Variants in RPL8 observed in about 807,000 individuals in gnomAD.
RPL8 encodes the protein ribosomal protein L8.
For synonymous variants in RPL8, 182 were observed against 143.2 expected (o/e 1.27, Z -1.94); for missense variants, 248 against 365.9 (o/e 0.68, Z 2.63).
At chr8:144,790,135 C>G (rs974309041) in intron 4 of RPL8, among the ~76,000 whole-genome samples, 173 bp from the exon 5 acceptor site, 1 of 152,186 alleles carries the variant, frequency 6.6e-6, no homozygotes, top group African/African-American at 2.4e-5. Context: ...CTGCCCCTCC[C>G]AGCCTCCGTT....
At chr8:144,790,967 C>T in intron 3 of RPL8, 1 of 476,276 alleles carries the variant, frequency 2.1e-6, no homozygotes, top group South Asian at 2.0e-5. Context: ...CTCTCCCTGC[C>T]TTCTCTAAAA....
Position 144,792,034 on chromosome 8 carries a change from C to T in RPL8, c.96G>A (p.Val32=), listed in dbSNP as rs1340276376. 3 of 1,609,262 alleles carry T rather than the reference C, an allele frequency of 1.9e-6. No individual in the cohort carries two copies. Among genetic ancestry groups the T allele is most frequent in the African/African-American group, 1.3e-5 (1 of 74,802 alleles). Residue 32 remains valine (V), a synonymous_variant, in exon 1 of 5, where the codon GTG becomes GTA. Coordinates refer to ENST00000528957, the MANE Select transcript of RPL8 (RefSeq NM_001317782.2). The part of the protein sequence containing the change: ...HRKGAARLRA[V]DFAERHGYIK... Reference sequence around the variant, plus strand: ...TGTAGCCGTGCCGCTCAGCGAAATCCACGGCGCGCAGGCGCGCAGCGCCTT... The same window carrying T: ...TGTAGCCGTGCCGCTCAGCGAAATCTACGGCGCGCAGGCGCGCAGCGCCTT...
In RPL8 at chr8:144,790,005, A is replaced by AC. The variant is rs113303499; in HGVS notation, c.616-44dup. On this transcript the variant is annotated intron_variant, in intron 4 of 4. Coordinates refer to ENST00000528957, the MANE Select transcript of RPL8 (RefSeq NM_001317782.2). Reference sequence around the variant, plus strand: ...TGGCTTTAGAAACCTCTTCCCCACCACCCCCGCCCCCGGCCTCGGGGTCCC... The same window carrying AC: ...TGGCTTTAGAAACCTCTTCCCCACCACCCCCCGCCCCCGGCCTCGGGGTCCC... 22,323 of 1,554,414 alleles carry AC rather than the reference A, an allele frequency of 0.014. 2,666 individuals are homozygous for AC. In the African/African-American group the frequency reaches 0.26, roughly 18 times the overall value.
chr8:144,789,885 A>C lies in RPL8; in HGVS notation c.693T>G (p.Ala231=). 6.2e-7 allele frequency: 1 copy of C among 1,613,420 alleles called. No homozygotes were observed. Among genetic ancestry groups the C allele is most frequent in the Non-Finnish European group, 8.5e-7 (1 of 1,179,860 alleles). ...CAGCAATGAGACCCACTTTGCGGCCAGCAGGGGCATCTCTGCGGATGGTGG... is the reference window on the plus strand; with the variant it reads ...CAGCAATGAGACCCACTTTGCGGCCCGCAGGGGCATCTCTGCGGATGGTGG... ...KPSTIRRDAP[A]GRKVGLIAAR... Residue 231 remains alanine (A), a synonymous_variant, in exon 5 of 5, where the codon GCT becomes GCG. Transcript: ENST00000528957.
At chr8:144,791,056 A>C in intron 3 of RPL8, 1 of 582,808 alleles carries the variant, frequency 1.7e-6, no homozygotes, top group Non-Finnish European at 3.1e-6. Flanking sequence ...ACTTCGTCCC[A>C]ATCTCATTTA....
chr8:144,791,143 A>G (rs1826497111), intron 3 of RPL8, 134 bp downstream of exon 3: 2 of 829,766 alleles, frequency 2.4e-6, no homozygotes, highest in Non-Finnish European at 3.9e-6. Flanking sequence ...GGATGAGCTC[A>G]AACTTACAGA....
chr8:144,791,152 G>A, intron 3 of RPL8, 125 bp downstream of exon 3: 1 of 925,934 alleles, frequency 1.1e-6, no homozygotes. Flanking sequence ...CAAACTTACA[G>A]AACCCAAGTT....
chr8:144,789,912 G>A lies in RPL8; in HGVS notation c.666C>T (p.Pro222=), dbSNP rs374969401. ...GGGNHQHIGK[P]STIRRDAPAG... ...CAGGGGCATCTCTGCGGATGGTGGA[G>A]GGCTTGCCGATGTGCTGGTGGTTGC... Residue 222 remains proline, a synonymous_variant, in exon 5 of 5, where the codon CCC becomes CCT. Transcript: ENST00000528957. The A allele has an allele frequency of 1.1e-4, 174 of 1,613,270 alleles. No individual in the cohort carries two copies. Among genetic ancestry groups the A allele is most frequent in the Non-Finnish European group, 1.3e-4 (155 of 1,179,844 alleles).
intron 3 of RPL8, 122 bp downstream of exon 3, chr8:144,791,155 C>A: frequency 1.0e-6 from 1 of 962,132 alleles, no homozygotes. Flanking sequence ...ACTTACAGAA[C>A]CCAAGTTTTA....
rs1586752822 is a variant in RPL8, at chr8:144,792,277, C to T, written c.-148G>A. On this transcript the variant is annotated 5_prime_UTR_variant, in exon 1 of 5. Coordinates refer to ENST00000528957, the MANE Select transcript of RPL8 (RefSeq NM_001317782.2). The stretch of plus-strand genomic sequence containing the variant: ...GCGGGCGCCCGCACCGGCATCCTCT[C>T]AGGAGGGCCGGTCCGGGTCTCAGCG... 2.8e-5 allele frequency: 33 copies of T among 1,170,716 alleles called. No individual in the cohort carries two copies. The South Asian group carries it at 6.2e-4, about 22-fold the overall frequency. The allele number at this position is 1,170,716 out of a possible 1,614,324, so 72.5% of individuals were successfully genotyped here.
intron 4 of RPL8, among the ~76,000 whole-genome samples, 190 bp downstream of exon 4, chr8:144,790,162 TGAA>T (rs1826450076): frequency 6.6e-6 from 1 of 152,024 alleles, no homozygotes; most frequent in Non-Finnish European, 1.5e-5. Flanking sequence ...GGAGAAACGG[TGAA>T]GGAGGGTGAG....
In RPL8 at chr8:144,792,240, C is replaced by T; in HGVS notation, c.-111G>A. On this transcript the variant is annotated 5_prime_UTR_variant, in exon 1 of 5. Coordinates refer to ENST00000528957, the MANE Select transcript of RPL8 (RefSeq NM_001317782.2). ...CCCGAGGCCGCCGCGCCCACCACTCCCTACCCTCTCCGCGGGCGCCCGCAC... is the reference window on the plus strand; with the variant it reads ...CCCGAGGCCGCCGCGCCCACCACTCTCTACCCTCTCCGCGGGCGCCCGCAC... 1 of 1,347,120 alleles carries T rather than the reference C, an allele frequency of 7.4e-7. No homozygotes were observed. The highest frequency in any genetic ancestry group is 9.5e-7 in the Non-Finnish European group (1 of 1,050,214). The allele number at this position is 1,347,120 out of a possible 1,614,324, so 83.4% of individuals were successfully genotyped here. A position where few individuals can be genotyped will look rare whatever the true frequency, so the allele number is the denominator to read the frequency against.
chr8:144,791,629 C>T, intron 2 of RPL8, 134 bp from the exon 3 acceptor site: 2 of 1,476,922 alleles, frequency 1.4e-6, no homozygotes, highest in Non-Finnish European at 1.8e-6. Context: ...CGGCACCCAC[C>T]GGTGGCCACT....
At chr8:144,791,695 C>T (rs557142183) in intron 2 of RPL8, 78 bp downstream of exon 2, 2 of 1,593,422 alleles carry the variant, frequency 1.3e-6, no homozygotes, top group Non-Finnish European at 1.7e-6. Flanking sequence ...GTTCCCATAT[C>T]GGCTTAGGAC....
In RPL8 at chr8:144,791,440, G is replaced by A; in HGVS notation, c.336C>T (p.Ile112=). Reference sequence around the variant, plus strand: ...CAGGCTTCTCCTCCAGGCAGCACACGATTGTACCCTCAGGCATGGTGCCCA... The same window carrying A: ...CAGGCTTCTCCTCCAGGCAGCACACAATTGTACCCTCAGGCATGGTGCCCA... The part of the protein sequence containing the change: ...LPVGTMPEGT[I]VCCLEEKPGD... Residue 112 remains isoleucine, a synonymous_variant, in exon 3 of 5, where the codon ATC becomes ATT. Coordinates refer to ENST00000528957, the MANE Select transcript of RPL8 (RefSeq NM_001317782.2). 1.2e-6 allele frequency: 2 copies of A among 1,613,948 alleles called. No homozygotes were observed. The highest frequency in any genetic ancestry group is 1.7e-6 in the Non-Finnish European group (2 of 1,180,030).
At position 144,789,784 on chromosome 8, in the gene RPL8, C is replaced by T; in HGVS notation, c.*20G>A. The stretch of plus-strand genomic sequence containing the variant: ...CACAGCCAGGTGGCATAAACACAAA[C>T]TTTATTGAGGCCCTCAGCACTAGTT... On this transcript the variant is annotated 3_prime_UTR_variant, in exon 5 of 5. Transcript: ENST00000528957. 6.2e-7 allele frequency: 1 copy of T among 1,613,484 alleles called. No individual in the cohort carries two copies. The highest frequency in any genetic ancestry group is 8.5e-7 in the Non-Finnish European group (1 of 1,179,834).
At chr8:144,791,148 T>C (rs1826497357) in intron 3 of RPL8, 129 bp downstream of exon 3, 5 of 888,828 alleles carry the variant, frequency 5.6e-6, no homozygotes, top group East Asian at 5.2e-5. Context: ...AGCTCAAACT[T>C]ACAGAACCCA....
In RPL8 at chr8:144,791,515, C is replaced by G. The variant is rs1470380261; in HGVS notation, c.281-20G>C. Reference sequence around the variant, plus strand: ...GCTGGGCTGCAAGGGGAAGCAGCATCAGGCCGTCAGCACAGTAAGAAACAA... The same window carrying G: ...GCTGGGCTGCAAGGGGAAGCAGCATGAGGCCGTCAGCACAGTAAGAAACAA... On this transcript the variant is annotated intron_variant, in intron 2 of 4. Coordinates refer to ENST00000528957, the MANE Select transcript of RPL8 (RefSeq NM_001317782.2). 2 of 1,610,656 alleles carry G rather than the reference C, an allele frequency of 1.2e-6. No individual in the cohort carries two copies. Among genetic ancestry groups the G allele is most frequent in the African/African-American group, 1.3e-5 (1 of 74,872 alleles).
rs777113990 is a variant in RPL8 at position 144,792,047 on chromosome 8, C to G, written c.83G>C (p.Arg28Pro). 6.2e-7 allele frequency: 1 copy of G among 1,609,104 alleles called. No individual in the cohort carries two copies. Residue 28 changes from arginine to proline, a missense_variant, in exon 1 of 5, where the codon CGC becomes CCC. Coordinates refer to ENST00000528957, the MANE Select transcript of RPL8 (RefSeq NM_001317782.2). ...CTCAGCGAAATCCACGGCGCGCAGG[C>G]GCGCAGCGCCTTTACGGTGCTTCAC... ...AHVKHRKGAA[R>P]LRAVDFAERH...
Sources: allele counts gnomAD v4.1 joint callset (sites outside exome capture counted in the v4.1 genomes callset), GRCh38; gene constraint gnomAD v4.1.1; transcripts MANE v1.5; gene names NCBI Gene and HGNC (gene_info 2026-07-23, HGNC 2026-07-21).